Variants in PPFIA2 observed in about 807,000 individuals in gnomAD.
The protein encoded by PPFIA2 is liprin-alpha-2.
In PPFIA2, 46 loss-of-function variants were observed where a neutral mutation model predicts 175.5. That is an observed-to-expected ratio of 0.26 (90% CI 0.21 to 0.34). The LOEUF is 0.34. Ranked by LOEUF, PPFIA2 falls within the 10% of genes least tolerant of loss-of-function variation. PPFIA2 has a pLI of 1.00. For missense variants in PPFIA2, 1,179 were observed against 1,506.1 expected (o/e 0.78, Z 3.60); for synonymous variants, 568 against 511.4 (o/e 1.11, Z -1.49).
intron 3 of PPFIA2, among the ~76,000 whole-genome samples, chr12:81,749,632 A>T (rs1335169487): frequency 1.4e-5 from 2 of 144,544 alleles, no homozygotes; most frequent in Non-Finnish European, 3.1e-5. Context: ...GATTATTCAC[A>T]TATATGTATA....
At chr12:81,342,886 G>A (rs1215171254) in intron 19 of PPFIA2, among the ~76,000 whole-genome samples, 3 of 151,514 alleles carry the variant, frequency 2.0e-5, no homozygotes, top group Non-Finnish European at 2.9e-5. Flanking sequence ...AAACAGCATG[G>A]CACATGTATA....
At chr12:81,726,752 T>C (rs2080134940) in intron 3 of PPFIA2, among the ~76,000 whole-genome samples, 1 of 151,356 alleles carries the variant, frequency 6.6e-6, no homozygotes, top group Admixed American at 6.6e-5. Flanking sequence ...TGCCTCTTAT[T>C]GTGTGAACTG....
intron 4 of PPFIA2, among the ~76,000 whole-genome samples, chr12:81,527,943 G>A (rs2063936263): frequency 6.6e-6 from 1 of 152,046 alleles, no homozygotes; most frequent in South Asian, 2.1e-4. Context: ...CCAGAATTGT[G>A]AGAAATAAAC....
intron 16 of PPFIA2, among the ~76,000 whole-genome samples, chr12:81,355,838 T>C (rs755484610): frequency 1.2e-4 from 18 of 152,184 alleles, no homozygotes; most frequent in Non-Finnish European, 2.4e-4. Flanking sequence ...TAAGGGAATG[T>C]TGTCCATGCT....
intron 3 of PPFIA2, among the ~76,000 whole-genome samples, chr12:81,705,132 C>CTCTACCTG (rs2076962105): frequency 1.4e-5 from 2 of 145,556 alleles, no homozygotes; most frequent in African/African-American, 5.0e-5. Context: ...TCTGTCCAGC[C>CTCTACCTG]TCTACCTGGT....
intron 3 of PPFIA2, among the ~76,000 whole-genome samples, chr12:81,732,642 A>G (rs1257896173): frequency 1.3e-5 from 2 of 151,590 alleles, no homozygotes; most frequent in Non-Finnish European, 3.0e-5. Flanking sequence ...AAAGCAAAAA[A>G]GCAAAATAAT....
intron 7 of PPFIA2, among the ~76,000 whole-genome samples, chr12:81,432,764 A>C (rs2048328733): frequency 6.6e-6 from 1 of 152,138 alleles, no homozygotes; most frequent in South Asian, 2.1e-4. Flanking sequence ...GCTAGAACTA[A>C]CTATTTACAA....
intron 4 of PPFIA2, among the ~76,000 whole-genome samples, chr12:81,509,549 C>T (rs11832529): frequency 0.015 from 2,342 of 151,856 alleles, 49 homozygotes; most frequent in East Asian, 0.043. Context: ...TATTTTCTTG[C>T]TTCAGGAAAA....
At chr12:81,742,214 T>G (rs2082409213) in intron 3 of PPFIA2, among the ~76,000 whole-genome samples, 1 of 152,224 alleles carries the variant, frequency 6.6e-6, no homozygotes, top group Non-Finnish European at 1.5e-5. Flanking sequence ...AGACATTAAG[T>G]TATTTCAGAG....
At chr12:81,618,630 G>A (rs1409799595) in intron 4 of PPFIA2, among the ~76,000 whole-genome samples, 1 of 145,886 alleles carries the variant, frequency 6.9e-6, no homozygotes, top group Non-Finnish European at 1.5e-5. Flanking sequence ...CCAGGTTCAC[G>A]CCATTCTCCT....
intron 3 of PPFIA2, among the ~76,000 whole-genome samples, chr12:81,749,002 T>C (rs2083408907): frequency 6.9e-6 from 1 of 144,350 alleles, no homozygotes; most frequent in Non-Finnish European, 1.6e-5. Flanking sequence ...TATTTAATCT[T>C]TTAAAACTAA....
chr12:81,321,152 C>T (rs2053574603), intron 22 of PPFIA2, among the ~76,000 whole-genome samples: 1 of 151,732 alleles, frequency 6.6e-6, no homozygotes, highest in African/African-American at 2.4e-5. Flanking sequence ...CAAGAAGAGC[C>T]ATAACTTCAA....
chr12:81,501,306 T>A (rs1345356246), intron 4 of PPFIA2, among the ~76,000 whole-genome samples: 1 of 152,186 alleles, frequency 6.6e-6, no homozygotes, highest in East Asian at 1.9e-4. Context: ...CTCACCTCAG[T>A]CAAGCCTTTA....
At chr12:81,503,550 TAA>T (rs11352249) in intron 4 of PPFIA2, among the ~76,000 whole-genome samples, 110 of 122,930 alleles carry the variant, frequency 8.9e-4, no homozygotes, top group African/African-American at 1.0e-3. Context: ...GTTATTTTGC[TAA>T]AAAAAAAAAA....
At chr12:81,569,638 A>G (rs2072089433) in intron 4 of PPFIA2, among the ~76,000 whole-genome samples, 1 of 152,182 alleles carries the variant, frequency 6.6e-6, no homozygotes, top group Admixed American at 6.5e-5. Flanking sequence ...AACACCAAAT[A>G]ATAAACAAAA....
intron 3 of PPFIA2, among the ~76,000 whole-genome samples, chr12:81,709,075 G>A (rs10778826): frequency 0.32 from 48,568 of 151,946 alleles, 8,709 homozygotes; most frequent in Middle Eastern, 0.49. Context: ...CCATCGGACT[G>A]CCAATGTTTC....
At chr12:81,569,978 A>G (rs983084824) in intron 4 of PPFIA2, among the ~76,000 whole-genome samples, 3 of 152,134 alleles carry the variant, frequency 2.0e-5, no homozygotes, top group Admixed American at 1.3e-4. Context: ...AATGAGCCAT[A>G]CCTATAAGCT....
intron 16 of PPFIA2, among the ~76,000 whole-genome samples, chr12:81,355,353 G>A (rs1283083525): frequency 6.6e-6 from 1 of 152,144 alleles, no homozygotes; most frequent in Non-Finnish European, 1.5e-5. Flanking sequence ...CTTTGTTGTT[G>A]CATTCATAGA....
chr12:81,333,553 T>C (rs2056537058), intron 21 of PPFIA2, among the ~76,000 whole-genome samples: 2 of 152,156 alleles, frequency 1.3e-5, no homozygotes, highest in Admixed American at 1.3e-4. Context: ...AACTTTCATA[T>C]CAACTCTTAT....
Sources: allele counts gnomAD v4.1 joint callset (sites outside exome capture counted in the v4.1 genomes callset), GRCh38; gene constraint gnomAD v4.1.1; transcripts MANE v1.5; gene names NCBI Gene and HGNC (gene_info 2026-07-23, HGNC 2026-07-21).